The following TMEM117 variants were observed in gnomAD, a reference collection of about 807,000 sequenced individuals.
TMEM117 encodes the protein transmembrane protein 117.
Under a neutral mutation model 52.4 loss-of-function variants are expected in TMEM117, and 27 were observed. The ratio of observed to expected loss-of-function variants is 0.51; its 90% CI spans 0.38 to 0.71. TMEM117 has a LOEUF of 0.71. TMEM117 is among the 30% of genes least tolerant of loss of function. The pLI is 0.00. For synonymous variants in TMEM117, 215 were observed against 206.3 expected (o/e 1.04, Z -0.36); for missense variants, 556 against 630.5 (o/e 0.88, Z 1.26).
intron 6 of TMEM117, among the ~76,000 whole-genome samples, chr12:44,343,999 C>A (rs546441824): frequency 3.3e-5 from 5 of 152,146 alleles, no homozygotes; most frequent in Admixed American, 2.0e-4. Flanking sequence ...CAGGTGGGGG[C>A]AGCTCATAGC....
Position 43,938,389 on chromosome 12 carries a change from A to AT in TMEM117, c.278-5817dup, listed in dbSNP as rs1389262924. Among the ~76,000 whole-genome samples the AT allele has an allele frequency of 5.3e-5, 8 of 151,822 alleles. No homozygotes were observed. The East Asian group carries it at 1.5e-3, about 29-fold the overall frequency. ...GAGCCCGAATAGAATGAATCTCATA[A>AT]TTTTCTCTAGAAGTGCTAGGGCAAA... On this transcript the variant is annotated intron_variant, in intron 2 of 7. Transcript: ENST00000266534.
intron 3 of TMEM117, among the ~76,000 whole-genome samples, chr12:44,094,327 C>T (rs373380522): frequency 4.6e-5 from 7 of 152,002 alleles, no homozygotes; most frequent in Admixed American, 3.3e-4. Context: ...TTGGTTAGAG[C>T]GGCATGCATT....
intron 2 of TMEM117, among the ~76,000 whole-genome samples, chr12:43,902,011 T>G (rs55821943): frequency 0.058 from 8,863 of 152,300 alleles, 306 homozygotes; most frequent in Middle Eastern, 0.13. Context: ...AGACATTTGC[T>G]TACTCAACCT....
Position 43,900,385 on chromosome 12 carries a change from T to G in TMEM117, c.278-43825T>G, listed in dbSNP as rs191116526. Among the ~76,000 whole-genome samples, 164 of 152,300 alleles carry G rather than the reference T, an allele frequency of 1.1e-3. 1 individual carries two copies. Among genetic ancestry groups the G allele is most frequent in the Non-Finnish European group, 1.8e-3 (124 of 68,022 alleles). On this transcript the variant is annotated intron_variant, in intron 2 of 7. Transcript: ENST00000266534. The stretch of plus-strand genomic sequence containing the variant: ...AATTAAAAAGAAATCAATTAGATTT[T>G]TCTTTATTATACTTGAAGAAACTCT...
chr12:43,866,072 G>A (rs1943592306), intron 2 of TMEM117, among the ~76,000 whole-genome samples: 1 of 151,720 alleles, frequency 6.6e-6, no homozygotes, highest in African/African-American at 2.4e-5. Context: ...TTCATACTTT[G>A]TTCATGGGCA....
intron 2 of TMEM117, among the ~76,000 whole-genome samples, chr12:43,872,157 C>G (rs1387578143): frequency 1.3e-5 from 2 of 152,178 alleles, no homozygotes; most frequent in Non-Finnish European, 2.9e-5. Flanking sequence ...CTGCATTGGT[C>G]TATTCCTGCC....
At chr12:43,853,136 C>T (rs77899032) in intron 2 of TMEM117, among the ~76,000 whole-genome samples, 2,311 of 152,308 alleles carry the variant, frequency 0.015, 65 homozygotes, top group African/African-American at 0.051. Flanking sequence ...ACCCGAAACT[C>T]TATGAGTGAG....
At chr12:44,169,499 G>T (rs963463541) in intron 4 of TMEM117, among the ~76,000 whole-genome samples, 8 of 152,040 alleles carry the variant, frequency 5.3e-5, no homozygotes, top group African/African-American at 1.9e-4. Flanking sequence ...TATCTTTTGG[G>T]TATATTCTTT....
At chr12:43,883,338 T>C (rs1351540353) in intron 2 of TMEM117, among the ~76,000 whole-genome samples, 1 of 152,224 alleles carries the variant, frequency 6.6e-6, no homozygotes, top group Non-Finnish European at 1.5e-5. Context: ...TGATGTATTA[T>C]AGTACATATG....
chr12:44,387,418 T>C (rs561716896), intron 7 of TMEM117, among the ~76,000 whole-genome samples: 26 of 152,176 alleles, frequency 1.7e-4, no homozygotes, highest in Non-Finnish European at 3.5e-4. Flanking sequence ...ATGGTTACAT[T>C]TATGTCTGAT....
chr12:43,982,140 A>G (rs1945770716), intron 3 of TMEM117, among the ~76,000 whole-genome samples: 1 of 152,240 alleles, frequency 6.6e-6, no homozygotes, highest in East Asian at 1.9e-4. Context: ...TAGAATTACA[A>G]TATGCCAATG....
chr12:44,121,529 T>C (rs1027884042), intron 3 of TMEM117, among the ~76,000 whole-genome samples: 2 of 152,224 alleles, frequency 1.3e-5, no homozygotes, highest in African/African-American at 4.8e-5. Context: ...TATGATTTTC[T>C]TAATAACATT....
At chr12:44,257,989 A>G (rs1222335694) in intron 5 of TMEM117, among the ~76,000 whole-genome samples, 2 of 152,136 alleles carry the variant, frequency 1.3e-5, no homozygotes, top group African/African-American at 4.8e-5. Flanking sequence ...AAATAAATAG[A>G]TTAGGAAACC....
chr12:44,366,586 A>G (rs1395263811), intron 6 of TMEM117, among the ~76,000 whole-genome samples: 2 of 152,076 alleles, frequency 1.3e-5, no homozygotes, highest in Non-Finnish European at 2.9e-5. Flanking sequence ...CAGAGGATGA[A>G]TGCTCTTGAC....
At chr12:44,176,881 TA>T (rs1222772213) in intron 4 of TMEM117, among the ~76,000 whole-genome samples, 1 of 151,994 alleles carries the variant, frequency 6.6e-6, no homozygotes, top group Non-Finnish European at 1.5e-5. Context: ...CAGAATTTTA[TA>T]AAACAACACA....
At chr12:43,905,988 C>G (rs889461619) in intron 2 of TMEM117, among the ~76,000 whole-genome samples, 1 of 152,072 alleles carries the variant, frequency 6.6e-6, no homozygotes, top group Non-Finnish European at 1.5e-5. Flanking sequence ...TCATTTTAAC[C>G]AAATATTTAT....
chr12:43,940,977 A>G (rs1945035369), intron 2 of TMEM117, among the ~76,000 whole-genome samples: 1 of 152,204 alleles, frequency 6.6e-6, no homozygotes, highest in Non-Finnish European at 1.5e-5. Context: ...GACTTTAGCC[A>G]ACATTCATAA....
intron 3 of TMEM117, among the ~76,000 whole-genome samples, chr12:43,979,761 AT>A (rs1945730726): frequency 1.3e-5 from 2 of 152,140 alleles, no homozygotes; most frequent in South Asian, 4.1e-4. Flanking sequence ...GATATTCTAT[AT>A]GGCTGGCTTT....
chr12:43,801,165 A>G, the TMEM117 span, among the ~76,000 whole-genome samples: 1 of 152,262 alleles, frequency 6.6e-6, no homozygotes, highest in Non-Finnish European at 1.5e-5. Context: ...TAACTTTGAT[A>G]GTGACATTCT....
Sources: allele counts gnomAD v4.1 joint callset (sites outside exome capture counted in the v4.1 genomes callset), GRCh38; gene constraint gnomAD v4.1.1; transcripts MANE v1.5; gene names NCBI Gene and HGNC (gene_info 2026-07-23, HGNC 2026-07-21).